The following PAWR variants were observed in gnomAD, a reference collection of about 807,000 sequenced individuals.
PAWR encodes the protein pro-apoptotic WT1 regulator.
In PAWR, 23 loss-of-function variants were observed where a neutral mutation model predicts 32.0. That is an observed-to-expected ratio of 0.72 (90% CI 0.52 to 1.02). PAWR has a LOEUF of 1.02. Ranked by LOEUF, PAWR falls within the 50% of genes least tolerant of loss-of-function variation. The pLI is 0.00. For synonymous variants in PAWR, 226 were observed against 187.1 expected (o/e 1.21, Z -1.70); for missense variants, 457 against 437.7 (o/e 1.04, Z -0.39).
At chr12:79,639,497 G>A (rs1053160783) in intron 2 of PAWR, among the ~76,000 whole-genome samples, 1 of 152,122 alleles carries the variant, frequency 6.6e-6, no homozygotes, top group Non-Finnish European at 1.5e-5. Context: ...GTGGTTTAGT[G>A]TCTGTAAAGT....
intron 3 of PAWR, among the ~76,000 whole-genome samples, chr12:79,620,300 G>A (rs1015576526): frequency 2.0e-5 from 3 of 152,108 alleles, no homozygotes; most frequent in African/African-American, 7.2e-5. Context: ...TTCCTTTCCT[G>A]AATAATTAAG....
chr12:79,617,733 A>G (rs1003165001), intron 3 of PAWR, among the ~76,000 whole-genome samples: 1 of 152,304 alleles, frequency 6.6e-6, no homozygotes, highest in African/African-American at 2.4e-5. Context: ...TGTCTGATAT[A>G]TTTTGGATGT....
At chr12:79,657,654 C>T (rs536439086) in intron 2 of PAWR, among the ~76,000 whole-genome samples, 8 of 151,946 alleles carry the variant, frequency 5.3e-5, no homozygotes, top group Non-Finnish European at 7.4e-5. Flanking sequence ...ATTAGCTGGG[C>T]GTGGTGGCGG....
chr12:79,603,001 G>C (rs1470554030), intron 4 of PAWR, among the ~76,000 whole-genome samples: 1 of 152,080 alleles, frequency 6.6e-6, no homozygotes, highest in Non-Finnish European at 1.5e-5. Context: ...CAGCACTTTG[G>C]GGGGCCAAGG....
rs1000117600 is a variant in PAWR at position 79,690,107 on chromosome 12, G to A, written c.138C>T (p.Ser46=). The A allele has an allele frequency of 2.7e-6, 4 of 1,493,736 alleles. No individual in the cohort carries two copies. In the African/African-American group the frequency reaches 4.4e-5, roughly 16 times the overall value. 92.5% of individuals were successfully genotyped at this position (1,493,736 alleles called of 1,614,324 possible). Residue 46 remains serine, a synonymous_variant, in exon 2 of 7, where the codon AGC becomes AGT. Coordinates refer to ENST00000328827, the MANE Select transcript of PAWR (RefSeq NM_002583.4). ...PPGPAPPGGG[S]SDAAGKPPAG... ...CGGGGGGCTTCCCAGCGGCGTCGCTGCTGCCCCCTCCCGGGGGGGCCGGGC... is the reference window on the plus strand; with the variant it reads ...CGGGGGGCTTCCCAGCGGCGTCGCTACTGCCCCCTCCCGGGGGGGCCGGGC...
At chr12:79,641,736 T>G (rs909178653) in intron 2 of PAWR, among the ~76,000 whole-genome samples, 2 of 150,092 alleles carry the variant, frequency 1.3e-5, no homozygotes, top group Admixed American at 6.7e-5. Context: ...AATCCCAGCT[T>G]CTTGGGAGGC....
chr12:79,636,959 A>T (rs1364947505), intron 2 of PAWR, among the ~76,000 whole-genome samples: 4 of 152,310 alleles, frequency 2.6e-5, no homozygotes, highest in African/African-American at 9.6e-5. Flanking sequence ...TCTAATAAGG[A>T]AAATATGACA....
chr12:79,690,205 C>A lies in PAWR; in HGVS notation c.40G>T (p.Gly14Cys). Residue 14 changes from glycine to cysteine, a missense_variant, in exon 2 of 7, where the codon GGC (glycine) becomes TGC (cysteine). Coordinates refer to ENST00000328827, the MANE Select transcript of PAWR (RefSeq NM_002583.4). ...TCCTCCAGGAAGTCTGTGGTGCTGC[C>A]GCCGAGGCCGCTGCTGGTCCGGTAG... The part of the protein sequence containing the change: ...GGYRTSSGLG[G>C]STTDFLEEWK... 3.9e-6 allele frequency: 6 copies of A among 1,529,542 alleles called. No homozygotes were observed. Among genetic ancestry groups the A allele is most frequent in the South Asian group, 2.4e-5 (2 of 84,278 alleles). The allele number at this position is 1,529,542 out of a possible 1,614,324, so 94.7% of individuals were successfully genotyped here. A position where few individuals can be genotyped will look rare whatever the true frequency, so the allele number is the denominator to read the frequency against.
chr12:79,627,438 TTTG>T (rs1158284293), intron 2 of PAWR, among the ~76,000 whole-genome samples: 1 of 152,126 alleles, frequency 6.6e-6, no homozygotes, highest in Non-Finnish European at 1.5e-5. Context: ...GATGGGGTTG[TTTG>T]TTTTTTTCTT....
At chr12:79,639,833 C>CTTTTCCATTCCT (rs1313531485) in intron 2 of PAWR, among the ~76,000 whole-genome samples, 12 of 127,590 alleles carry the variant, frequency 9.4e-5, no homozygotes, top group African/African-American at 5.0e-4. Context: ...TTTCCTTTTC[C>CTTTTCCATTCCT]ATTCCTATTC....
intron 2 of PAWR, among the ~76,000 whole-genome samples, chr12:79,679,684 A>C (rs1331796496): frequency 6.6e-6 from 1 of 152,238 alleles, no homozygotes; most frequent in Non-Finnish European, 1.5e-5. Context: ...TGCTAGACTC[A>C]GCTAGAGGAA....
chr12:79,587,455 T>G lies in PAWR; in HGVS notation c.*5152A>C, dbSNP rs972987877. Reference sequence around the variant, plus strand: ...AGGACCTGAAATTCTTTGGACACCATCAGATTTAGTTTATAAGAGTTCTGA... The same window carrying G: ...AGGACCTGAAATTCTTTGGACACCAGCAGATTTAGTTTATAAGAGTTCTGA... On this transcript the variant is annotated 3_prime_UTR_variant, in exon 7 of 7. Transcript: ENST00000328827. The G allele has an allele frequency of 2.0e-5, 3 of 152,080 alleles. No homozygotes were observed. Among genetic ancestry groups the G allele is most frequent in the East Asian group, 3.8e-4 (2 of 5,198 alleles). 9.4% of individuals were successfully genotyped at this position (152,080 alleles called of 1,614,324 possible).
intron 2 of PAWR, among the ~76,000 whole-genome samples, chr12:79,671,036 C>T (rs963935035): frequency 6.6e-6 from 1 of 150,596 alleles, no homozygotes; most frequent in Non-Finnish European, 1.5e-5. Flanking sequence ...AACCTCTAGT[C>T]CCAGCTACGC....
At chr12:79,663,973 T>G (rs1217397721) in intron 2 of PAWR, among the ~76,000 whole-genome samples, 3 of 152,184 alleles carry the variant, frequency 2.0e-5, no homozygotes, top group African/African-American at 7.2e-5. Flanking sequence ...CAAATATACA[T>G]TTTAGGAAAA....
chr12:79,614,229 C>T (rs1328008553), intron 3 of PAWR, among the ~76,000 whole-genome samples: 1 of 150,696 alleles, frequency 6.6e-6, no homozygotes, highest in Non-Finnish European at 1.5e-5. Flanking sequence ...AGATTGGTCT[C>T]GAACTCCTGA....
intron 2 of PAWR, among the ~76,000 whole-genome samples, chr12:79,621,489 CAT>C: frequency 6.6e-6 from 1 of 152,204 alleles, no homozygotes; most frequent in South Asian, 2.1e-4. Context: ...CATTCTTTAT[CAT>C]TCATTCAATA....
chr12:79,678,232 A>G (rs1221570174), intron 2 of PAWR, among the ~76,000 whole-genome samples: 1 of 152,200 alleles, frequency 6.6e-6, no homozygotes, highest in Non-Finnish European at 1.5e-5. Context: ...TTTTCTTTCC[A>G]AAACCTGTGA....
At chr12:79,657,297 C>T (rs1018124262) in intron 2 of PAWR, among the ~76,000 whole-genome samples, 10 of 151,976 alleles carry the variant, frequency 6.6e-5, no homozygotes, top group Non-Finnish European at 1.3e-4. Context: ...CGGGTAAACT[C>T]GTGGGGGTGA....
chr12:79,679,282 T>C (rs898162065), intron 2 of PAWR, among the ~76,000 whole-genome samples: 3 of 152,080 alleles, frequency 2.0e-5, no homozygotes, highest in Admixed American at 6.5e-5. Context: ...TAAAAGAATC[T>C]ATAAAAAATG....
Sources: gnomAD v4.1 joint callset for allele counts (sites outside exome capture counted in the v4.1 genomes callset) on GRCh38, gnomAD v4.1.1 for gene constraint, MANE v1.5 for transcripts, NCBI Gene and HGNC (gene_info 2026-07-23, HGNC 2026-07-21) for gene names.